NCKAP5: variants seen among roughly 807,000 people sequenced by gnomAD.
The protein encoded by NCKAP5 is nck-associated protein 5.
In NCKAP5, 92 loss-of-function variants were observed where a neutral mutation model predicts 167.0. That is an observed-to-expected ratio of 0.55 (90% CI 0.47 to 0.66). NCKAP5 has a LOEUF of 0.66. Ranked by LOEUF, NCKAP5 falls within the 30% of genes least tolerant of loss-of-function variation. NCKAP5 has a pLI of 0.00. For missense variants in NCKAP5, 2,378 were observed against 2,315.0 expected (o/e 1.03, Z -0.56); for synonymous variants, 891 against 877.4 (o/e 1.02, Z -0.27).
chr2:133,411,756 T>C (rs930821698), intron 3 of NCKAP5, among the ~76,000 whole-genome samples: 4 of 152,170 alleles, frequency 2.6e-5, no homozygotes, highest in African/African-American at 9.7e-5. Flanking sequence ...AGCCCAACAA[T>C]TCACAAGCCC....
chr2:133,350,279 G>A (rs1356744912), intron 3 of NCKAP5, among the ~76,000 whole-genome samples: 1 of 152,146 alleles, frequency 6.6e-6, no homozygotes, highest in African/African-American at 2.4e-5. Flanking sequence ...TGGGTGTGGT[G>A]ACACACAACT....
At chr2:132,865,089 A>G (rs1392079070) in intron 10 of NCKAP5, among the ~76,000 whole-genome samples, 1 of 151,982 alleles carries the variant, frequency 6.6e-6, no homozygotes, top group African/African-American at 2.4e-5. Context: ...GCTTTCACTG[A>G]TACATCCTTA....
Position 132,725,772 on chromosome 2 carries a change from T to C in NCKAP5, c.5581-13A>G. 6.2e-7 allele frequency: 1 copy of C among 1,611,936 alleles called. No individual in the cohort carries two copies. Among genetic ancestry groups the C allele is most frequent in the African/African-American group, 1.3e-5 (1 of 74,956 alleles). On this transcript the variant is annotated splice_polypyrimidine_tract_variant and intron_variant, in intron 18 of 19. Coordinates refer to ENST00000409261, the MANE Select transcript of NCKAP5 (RefSeq NM_207363.3). ...TGGGTGCCTTGTCCTAAATGAGTAATATGAGACTGTTAAGATAATTCATAC... is the reference window on the plus strand; with the variant it reads ...TGGGTGCCTTGTCCTAAATGAGTAACATGAGACTGTTAAGATAATTCATAC...
chr2:133,420,116 T>G (rs1374682352), intron 3 of NCKAP5, among the ~76,000 whole-genome samples: 1 of 152,190 alleles, frequency 6.6e-6, no homozygotes, highest in African/African-American at 2.4e-5. Context: ...ATCTATTAGT[T>G]TTAAGACACT....
chr2:133,624,577 G>T, the NCKAP5 span, among the ~76,000 whole-genome samples: 45 of 152,196 alleles, frequency 3.0e-4, no homozygotes, highest in Admixed American at 1.3e-3. Context: ...CACAATTAAG[G>T]CATTAAAAGG....
At chr2:133,332,539 C>T (rs1368754445) in intron 3 of NCKAP5, among the ~76,000 whole-genome samples, 1 of 152,030 alleles carries the variant, frequency 6.6e-6, no homozygotes, top group Non-Finnish European at 1.5e-5. Context: ...AATAATGATT[C>T]TGAGGCAATA....
At chr2:133,358,568 C>G (rs1014957877) in intron 3 of NCKAP5, among the ~76,000 whole-genome samples, 1 of 152,144 alleles carries the variant, frequency 6.6e-6, no homozygotes, top group Non-Finnish European at 1.5e-5. Flanking sequence ...CAGAGCAAGA[C>G]CCTGTCTCTT....
At chr2:133,453,604 T>A (rs1353637013) in intron 3 of NCKAP5, among the ~76,000 whole-genome samples, 5 of 152,076 alleles carry the variant, frequency 3.3e-5, no homozygotes, top group African/African-American at 9.7e-5. Flanking sequence ...TGGAACATGA[T>A]GTAGCCAGTA....
At chr2:132,690,309 A>G in intron 19 of NCKAP5, among the ~76,000 whole-genome samples, 1 of 152,214 alleles carries the variant, frequency 6.6e-6, no homozygotes, top group East Asian at 1.9e-4. Flanking sequence ...TGTCCTGTCC[A>G]GGGCTGGTTC....
intron 2 of NCKAP5, among the ~76,000 whole-genome samples, chr2:133,533,962 C>T (rs1020963186): frequency 6.6e-6 from 1 of 152,070 alleles, no homozygotes; most frequent in African/African-American, 2.4e-5. Context: ...GTCTCCTACA[C>T]ACACACAAAA....
rs1573603829 is a variant in NCKAP5 at position 132,974,420 on chromosome 2, A to G, written c.430-10551T>C. On this transcript the variant is annotated intron_variant, in intron 7 of 19. Coordinates refer to ENST00000409261, the MANE Select transcript of NCKAP5 (RefSeq NM_207363.3). ...ACGATTCATATTTGTATAACATCTC[A>G]GGGTTAAACCAAGTGAGTTCAGACA... Among the ~76,000 whole-genome samples the G allele has an allele frequency of 2.6e-5, 4 of 152,350 alleles. 1 individual carries two copies. The South Asian group carries it at 8.3e-4, about 32-fold the overall frequency.
intron 19 of NCKAP5, among the ~76,000 whole-genome samples, chr2:132,699,328 A>C (rs1056594417): frequency 6.6e-6 from 1 of 152,092 alleles, no homozygotes; most frequent in Non-Finnish European, 1.5e-5. Context: ...TTTTGACATG[A>C]TAGATTTTTT....
intron 3 of NCKAP5, among the ~76,000 whole-genome samples, chr2:133,392,438 T>A (rs773922827): frequency 6.6e-5 from 10 of 152,188 alleles, no homozygotes; most frequent in Non-Finnish European, 1.2e-4. Flanking sequence ...CAGAATACAT[T>A]CTCATTATTA....
At chr2:132,972,595 C>T (rs545105746) in intron 7 of NCKAP5, among the ~76,000 whole-genome samples, 2 of 152,202 alleles carry the variant, frequency 1.3e-5, no homozygotes, top group African/African-American at 4.8e-5. Flanking sequence ...GGCATGGTGG[C>T]TCACACCTGT....
chr2:132,920,771 G>GTATATATA (rs55895538), intron 8 of NCKAP5, among the ~76,000 whole-genome samples: 15 of 31,568 alleles, frequency 4.8e-4, no homozygotes, highest in Admixed American at 8.8e-4. Context: ...ATATATGTAT[G>GTATATATA]TATATATATA....
intron 19 of NCKAP5, among the ~76,000 whole-genome samples, chr2:132,712,427 G>A (rs771892112): frequency 5.3e-5 from 8 of 152,120 alleles, no homozygotes; most frequent in East Asian, 1.9e-4. Flanking sequence ...CAAGGGGGGC[G>A]GATCATGAGG....
At chr2:133,594,553 C>A in the NCKAP5 span, among the ~76,000 whole-genome samples, 1 of 152,158 alleles carries the variant, frequency 6.6e-6, no homozygotes, top group African/African-American at 2.4e-5. Flanking sequence ...TGACACTGAA[C>A]TGAGAGAACC....
intron 4 of NCKAP5, among the ~76,000 whole-genome samples, chr2:133,268,121 A>G (rs2089330497): frequency 6.6e-6 from 1 of 152,264 alleles, no homozygotes; most frequent in South Asian, 2.1e-4. Context: ...TATAAGAGCT[A>G]AGCAAAAATA....
the NCKAP5 span, among the ~76,000 whole-genome samples, chr2:133,673,906 C>G: frequency 6.6e-6 from 1 of 152,192 alleles, no homozygotes; most frequent in South Asian, 2.1e-4. Flanking sequence ...AGGGAACAAT[C>G]AGGAACTTTG....
Sources: gnomAD v4.1 joint callset for allele counts (sites outside exome capture counted in the v4.1 genomes callset) on GRCh38, gnomAD v4.1.1 for gene constraint, MANE v1.5 for transcripts, NCBI Gene and HGNC (gene_info 2026-07-23, HGNC 2026-07-21) for gene names.